The following ZNF713 variants were observed in gnomAD, a reference collection of about 807,000 sequenced individuals.
The protein encoded by ZNF713 is zinc finger protein 713.
ZNF713 carries 21 observed loss-of-function variants against 28.7 expected under a neutral mutation model. The observed-to-expected ratio is 0.73, with a 90% CI of 0.52 to 1.05. The LOEUF is 1.05. Among genes scored for constraint, ZNF713 ranks in the 50% least tolerant of loss-of-function variants. ZNF713 has a pLI of 0.00. For synonymous variants in ZNF713, 167 were observed against 178.0 expected, an observed-to-expected ratio of 0.94 and a Z score of 0.49; for missense variants, 458 against 532.4, an observed-to-expected ratio of 0.86 and a Z score of 1.37.
intron 1 of ZNF713, among the ~76,000 whole-genome samples, chr7:55,901,996 G>T (rs1053796179): frequency 6.6e-6 from 1 of 152,094 alleles, no homozygotes; most frequent in African/African-American, 2.4e-5. Flanking sequence ...GTTCGAGACC[G>T]GCCAGTCAAC....
intron 2 of ZNF713, among the ~76,000 whole-genome samples, chr7:55,906,689 T>G (rs1479640159): frequency 2.6e-5 from 4 of 152,166 alleles, no homozygotes; most frequent in African/African-American, 9.7e-5. Flanking sequence ...GTTTTATTTT[T>G]GGGAATTGGG....
intron 2 of ZNF713, among the ~76,000 whole-genome samples, chr7:55,908,207 A>G (rs1785720162): frequency 8.2e-6 from 1 of 121,804 alleles, no homozygotes; most frequent in South Asian, 2.8e-4. Context: ...CAGTGGTGTG[A>G]TCTTGGCTCA....
intron 1 of ZNF713, among the ~76,000 whole-genome samples, chr7:55,888,457 A>C (rs1785319209): frequency 6.6e-6 from 1 of 152,166 alleles, no homozygotes; most frequent in South Asian, 2.1e-4. Flanking sequence ...ATCATGGCAC[A>C]CTGCAGCCTC....
intron 6 of ZNF713, among the ~76,000 whole-genome samples, chr7:55,935,259 A>G (rs1400479657): frequency 1.3e-5 from 2 of 152,160 alleles, no homozygotes; most frequent in Admixed American, 6.6e-5. Flanking sequence ...AAGGATGTTC[A>G]TTGCATTATT....
chr7:55,892,277 CAAAAAAA>C (rs71561974), intron 1 of ZNF713, among the ~76,000 whole-genome samples: 7 of 60,516 alleles, frequency 1.2e-4, no homozygotes, highest in South Asian at 7.2e-4. Flanking sequence ...GACTCCATCT[CAAAAAAA>C]AAAAAAAAAA....
chr7:55,939,888 A>G lies in ZNF713; in HGVS notation c.1214A>G (p.Lys405Arg). Residue 405 changes from lysine (K) to arginine (R), a missense_variant, in exon 7 of 7, where the codon AAA (lysine) becomes AGA (arginine). By Grantham distance (26) the Lys-to-Arg change is conservative. Coordinates refer to ENST00000429591, the MANE Select transcript of ZNF713 (RefSeq NM_182633.3). Reference sequence around the variant, plus strand: ...CCCTATAAATGTAATGAATGCGGGAAAGCCTTTAGCCAGAGTGCACACCTT... The same window carrying G: ...CCCTATAAATGTAATGAATGCGGGAGAGCCTTTAGCCAGAGTGCACACCTT... ...EKPYKCNECG[K>R]AFSQSAHLNQ... 6.2e-7 allele frequency: 1 copy of G among 1,614,140 alleles called. No homozygotes were observed. The highest frequency in any genetic ancestry group is 8.5e-7 in the Non-Finnish European group (1 of 1,180,002).
chr7:55,923,044 G>A (rs916718197), intron 4 of ZNF713, 118 bp from the exon 5 acceptor site: 68 of 1,164,382 alleles, frequency 5.8e-5, no homozygotes, highest in Non-Finnish European at 7.3e-5. Flanking sequence ...ACAACTCAGA[G>A]TCCTGAAGAC....
chr7:55,897,210 G>A (rs991339626), intron 1 of ZNF713, among the ~76,000 whole-genome samples: 21 of 151,688 alleles, frequency 1.4e-4, no homozygotes, highest in South Asian at 4.2e-4. Flanking sequence ...AAATTAATGG[G>A]TTTGAGAAGC....
chr7:55,912,023 G>A lies in ZNF713; in HGVS notation c.-48G>A, dbSNP rs1774761150. 1 of 152,284 alleles carries A rather than the reference G, an allele frequency of 6.6e-6. No homozygotes were observed. Among genetic ancestry groups the A allele is most frequent in the Admixed American group, 6.5e-5 (1 of 15,286 alleles). The allele number at this position is 152,284 out of a possible 1,614,324, so 9.4% of individuals were successfully genotyped here. ...CATTACAACATAAGAACTGCAGAGAGGTGTAATCCCAGTGGAAGACTGAAT... is the reference window on the plus strand; with the variant it reads ...CATTACAACATAAGAACTGCAGAGAAGTGTAATCCCAGTGGAAGACTGAAT... On this transcript the variant is annotated 5_prime_UTR_variant, in exon 3 of 7. Coordinates refer to ENST00000429591, the MANE Select transcript of ZNF713 (RefSeq NM_182633.3).
rs1376290319 is a variant in ZNF713, at chr7:55,902,969, GACA to G, written c.-582-3279_-582-3277del. On this transcript the variant is annotated intron_variant, in intron 1 of 6. Coordinates refer to ENST00000429591, the MANE Select transcript of ZNF713 (RefSeq NM_182633.3). The stretch of plus-strand genomic sequence containing the variant: ...GACCTCACCATTGCACTCCAGCCTG[GACA>G]ACAAGAGCAAAACTCCGTCTCAAAA... 2.4e-5 allele frequency among the ~76,000 whole-genome samples: 3 copies of G among 126,638 alleles called. No homozygotes were observed. The Admixed American group carries it at 2.8e-4, about 12-fold the overall frequency. The allele number at this position is 126,638 out of a possible 152,430, so 83.1% of individuals were successfully genotyped here. A position where few individuals can be genotyped will look rare whatever the true frequency, so the allele number is the denominator to read the frequency against.
At chr7:55,926,853 G>T (rs937431964) in intron 6 of ZNF713, among the ~76,000 whole-genome samples, 1 of 152,144 alleles carries the variant, frequency 6.6e-6, no homozygotes, top group Non-Finnish European at 1.5e-5. Context: ...ACTGAGGGCC[G>T]GGCACAGTGG....
chr7:55,924,998 A>G (rs1277017968), intron 6 of ZNF713: 1 of 151,482 alleles, frequency 6.6e-6, no homozygotes, highest in East Asian at 1.9e-4. Flanking sequence ...TCCCTTAAAT[A>G]TGGGATTTCT....
intron 1 of ZNF713, among the ~76,000 whole-genome samples, chr7:55,890,147 C>A (rs1444747637): frequency 1.3e-5 from 2 of 152,042 alleles, no homozygotes; most frequent in Non-Finnish European, 2.9e-5. Context: ...ACCTTTATGA[C>A]CTCATTTAAC....
At chr7:55,936,517 T>A (rs1297814261) in intron 6 of ZNF713, among the ~76,000 whole-genome samples, 4 of 152,120 alleles carry the variant, frequency 2.6e-5, no homozygotes, top group Non-Finnish European at 5.9e-5. Context: ...GTTACCCAAC[T>A]TCAAGGGGAC....
At chr7:55,937,514 A>G (rs1375576313) in intron 6 of ZNF713, among the ~76,000 whole-genome samples, 1 of 152,000 alleles carries the variant, frequency 6.6e-6, no homozygotes, top group Non-Finnish European at 1.5e-5. Context: ...GAAAGGAATT[A>G]CTTTGGGGTT....
At chr7:55,893,761 G>A (rs1256946130) in intron 1 of ZNF713, among the ~76,000 whole-genome samples, 1 of 151,930 alleles carries the variant, frequency 6.6e-6, no homozygotes, top group Admixed American at 6.6e-5. Flanking sequence ...TATATTTTTA[G>A]TAGAGACAGC....
chr7:55,889,582 C>T (rs984951800), intron 1 of ZNF713, among the ~76,000 whole-genome samples: 1 of 152,182 alleles, frequency 6.6e-6, no homozygotes, highest in African/African-American at 2.4e-5. Context: ...TGAAAACTTG[C>T]GGCTCCCTGC....
Position 55,923,605 on chromosome 7 carries a change from AG to A in ZNF713, c.216del, listed in dbSNP as rs753737662. ...TAAGATGTATGTTACTCCTGTGAAT[AG>A]GGTATCAGCTTTGTAAGCCAGAGGT... On this transcript the variant is annotated splice_acceptor_variant, in intron 5 of 6. Transcript: ENST00000429591. LOFTEE classifies it high-confidence loss of function. The A allele has an allele frequency of 6.3e-7, 1 of 1,594,954 alleles. No individual in the cohort carries two copies. The highest frequency in any genetic ancestry group is 8.6e-7 in the Non-Finnish European group (1 of 1,169,470).
intron 6 of ZNF713, among the ~76,000 whole-genome samples, chr7:55,925,792 C>G (rs1035567686): frequency 6.6e-6 from 1 of 152,072 alleles, no homozygotes; most frequent in Non-Finnish European, 1.5e-5. Context: ...AATGCTGGGA[C>G]ATATTTCTAC....
Sources: allele counts gnomAD v4.1 joint callset (sites outside exome capture counted in the v4.1 genomes callset), GRCh38; gene constraint gnomAD v4.1.1; transcripts MANE v1.5; gene names NCBI Gene and HGNC (gene_info 2026-07-23, HGNC 2026-07-21).